Variants in ZNF804A observed in about 807,000 individuals in gnomAD.
The protein encoded by ZNF804A is zinc finger protein 804A.
Under a neutral mutation model 16.5 loss-of-function variants are expected in ZNF804A, and 2 were observed. That is an observed-to-expected ratio of 0.12 (90% CI 0.05 to 0.38). The LOEUF (loss-of-function observed/expected upper bound fraction) is 0.38. Ranked by LOEUF, ZNF804A falls within the 10% of genes least tolerant of loss-of-function variation. The pLI is 0.99. For missense variants in ZNF804A, 1,473 were observed against 1,390.7 expected (o/e 1.06, Z -0.94); for synonymous variants, 534 against 489.6 (o/e 1.09, Z -1.20).
At chr2:184,725,653 G>T (rs1693397832) in intron 1 of ZNF804A, among the ~76,000 whole-genome samples, 1 of 151,488 alleles carries the variant, frequency 6.6e-6, no homozygotes, top group Non-Finnish European at 1.5e-5. Context: ...AAATAACCAA[G>T]ATGTAAAGTG....
intron 1 of ZNF804A, among the ~76,000 whole-genome samples, chr2:184,666,759 A>C (rs1692262025): frequency 6.6e-6 from 1 of 152,052 alleles, no homozygotes; most frequent in African/African-American, 2.4e-5. Context: ...CGGTATTATC[A>C]TAATGTGCAT....
chr2:184,709,105 T>A (rs1022002768), intron 1 of ZNF804A, among the ~76,000 whole-genome samples: 8 of 152,138 alleles, frequency 5.3e-5, no homozygotes, highest in Non-Finnish European at 1.0e-4. Flanking sequence ...TACATCACCA[T>A]GTGAAATGAC....
intron 1 of ZNF804A, among the ~76,000 whole-genome samples, chr2:184,792,193 G>A (rs34452663): frequency 0.14 from 21,978 of 152,120 alleles, 1,717 homozygotes; most frequent in Middle Eastern, 0.24. Flanking sequence ...GAATGCAACT[G>A]CTGGATCATA....
intron 1 of ZNF804A, among the ~76,000 whole-genome samples, chr2:184,745,893 A>G (rs564014835): frequency 1.3e-4 from 19 of 151,796 alleles, no homozygotes; most frequent in African/African-American, 4.6e-4. Flanking sequence ...CATATAAAAT[A>G]TCAAATAGTG....
chr2:184,871,513 T>C (rs1175139366), intron 2 of ZNF804A, among the ~76,000 whole-genome samples: 2 of 150,526 alleles, frequency 1.3e-5, no homozygotes, highest in South Asian at 2.1e-4. Flanking sequence ...AATAAACATA[T>C]ATATATATAC....
intron 1 of ZNF804A, among the ~76,000 whole-genome samples, chr2:184,678,685 A>G (rs1692481657): frequency 6.6e-6 from 1 of 152,200 alleles, no homozygotes; most frequent in Non-Finnish European, 1.5e-5. Context: ...CTACCTAAGT[A>G]TAGCCCACCT....
chr2:184,811,668 G>T (rs991613495), intron 1 of ZNF804A, among the ~76,000 whole-genome samples: 1 of 152,028 alleles, frequency 6.6e-6, no homozygotes, highest in Non-Finnish European at 1.5e-5. Context: ...TGCAATTATG[G>T]CACCTGTGAA....
At chr2:184,901,410 C>A (rs1439073531) in intron 2 of ZNF804A, among the ~76,000 whole-genome samples, 2 of 152,128 alleles carry the variant, frequency 1.3e-5, no homozygotes, top group Non-Finnish European at 2.9e-5. Context: ...ACATCAAAGT[C>A]ATCCACTGCA....
intron 2 of ZNF804A, among the ~76,000 whole-genome samples, chr2:184,928,213 A>C (rs781375796): frequency 6.6e-6 from 1 of 152,150 alleles, no homozygotes; most frequent in African/African-American, 2.4e-5. Flanking sequence ...TGCCAAAACT[A>C]GGTCCTTCCC....
chr2:184,806,803 CTAAAACAGA>C (rs1694813092), intron 1 of ZNF804A, among the ~76,000 whole-genome samples: 1 of 151,562 alleles, frequency 6.6e-6, no homozygotes, highest in Non-Finnish European at 1.5e-5. Flanking sequence ...CTGAGTTCTA[CTAAAACAGA>C]TAAAGATCTT....
chr2:184,790,110 T>A (rs1694510280), intron 1 of ZNF804A, among the ~76,000 whole-genome samples: 1 of 152,170 alleles, frequency 6.6e-6, no homozygotes. Flanking sequence ...AACATGTTTA[T>A]TTTCCATGTA....
intron 2 of ZNF804A, among the ~76,000 whole-genome samples, chr2:184,915,228 C>T (rs1401701213): frequency 6.6e-5 from 10 of 151,858 alleles, no homozygotes; most frequent in African/African-American, 1.9e-4. Flanking sequence ...TTACTCTATT[C>T]CTATAGATGC....
chr2:184,922,674 T>C (rs1207118683), intron 2 of ZNF804A, among the ~76,000 whole-genome samples: 2 of 152,036 alleles, frequency 1.3e-5, no homozygotes. Flanking sequence ...AGTCTTTGCC[T>C]ACTCCAATGT....
At chr2:184,684,392 T>C (rs72899969) in intron 1 of ZNF804A, among the ~76,000 whole-genome samples, 7,888 of 152,268 alleles carry the variant, frequency 0.052, 262 homozygotes, top group Non-Finnish European at 0.077. Flanking sequence ...TATAAGAAAT[T>C]TGAAATTATA....
intron 2 of ZNF804A, among the ~76,000 whole-genome samples, chr2:184,886,528 C>T (rs1455317548): frequency 1.3e-5 from 2 of 152,254 alleles, no homozygotes; most frequent in African/African-American, 4.8e-5. Context: ...TCCCTTTCTG[C>T]ACTGCCCTAG....
intron 1 of ZNF804A, among the ~76,000 whole-genome samples, chr2:184,654,632 A>G (rs996292783): frequency 1.3e-5 from 2 of 152,144 alleles, no homozygotes; most frequent in Non-Finnish European, 2.9e-5. Flanking sequence ...CTAAGTGTTC[A>G]GTTGTCTCCA....
At chr2:184,784,324 T>C (rs1229290739) in intron 1 of ZNF804A, among the ~76,000 whole-genome samples, 1 of 151,918 alleles carries the variant, frequency 6.6e-6, no homozygotes, top group Admixed American at 6.6e-5. Flanking sequence ...TGTATATTTA[T>C]CTATCTATTA....
chr2:184,724,341 G>GA (rs902513817), intron 1 of ZNF804A, among the ~76,000 whole-genome samples: 8 of 151,592 alleles, frequency 5.3e-5, no homozygotes, highest in African/African-American at 1.9e-4. Context: ...CTTAAGTGAA[G>GA]AAAAATGATA....
chr2:184,839,946 T>C, intron 1 of ZNF804A, among the ~76,000 whole-genome samples: 1 of 152,158 alleles, frequency 6.6e-6, no homozygotes, highest in East Asian at 1.9e-4. Context: ...TCAACTTGGA[T>C]TGAGGTGTCC....
Sources: allele counts gnomAD v4.1 joint callset (sites outside exome capture counted in the v4.1 genomes callset), GRCh38; gene constraint gnomAD v4.1.1; transcripts MANE v1.5; gene names NCBI Gene and HGNC (gene_info 2026-07-23, HGNC 2026-07-21).